Variants in CHM observed in about 807,000 individuals in gnomAD.
CHM encodes CHM Rab escort protein.
In CHM, 10 loss-of-function variants were observed where a neutral mutation model predicts 49.0. The ratio of observed to expected loss-of-function variants is 0.20; its 90% confidence interval spans 0.13 to 0.35. The LOEUF is 0.35. Among genes scored for constraint, CHM ranks in the 10% least tolerant of loss-of-function variants. The pLI is 1.00. For synonymous variants in CHM, 184 were observed against 167.5 expected, an observed-to-expected ratio of 1.10 and a Z score of -0.76; for missense variants, 455 against 478.4, an observed-to-expected ratio of 0.95 and a Z score of 0.46.
intron 1 of CHM, among the ~76,000 whole-genome samples, chrX:86,040,716 T>C (rs1934424788): frequency 8.9e-6 from 1 of 112,031 alleles, no homozygotes; most frequent in Admixed American, 9.5e-5. Flanking sequence ...ACCCTCAATA[T>C]GATAACATGC....
chrX:85,935,563 G>A (rs1021805237), intron 8 of CHM, among the ~76,000 whole-genome samples: 1 of 111,729 alleles, frequency 9.0e-6, no homozygotes, highest in African/African-American at 3.3e-5. Context: ...CCTGTGCAAT[G>A]TGTGACTGTA....
At chrX:86,016,473 C>T (rs1180410895) in intron 2 of CHM, among the ~76,000 whole-genome samples, 37 of 112,381 alleles carry the variant, frequency 3.3e-4, no homozygotes, top group Non-Finnish European at 2.1e-4. Context: ...GTGCCCTGAG[C>T]CCCAGCAGCT....
chrX:85,937,995 A>C (rs916503231), intron 8 of CHM, among the ~76,000 whole-genome samples: 1 of 112,213 alleles, frequency 8.9e-6, no homozygotes, highest in Non-Finnish European at 1.9e-5. Flanking sequence ...CTTAAATGTA[A>C]GTTTTAAAAG....
intron 8 of CHM, among the ~76,000 whole-genome samples, chrX:85,913,332 A>AAAAAAGAAAGAAAGAAAG (rs762266365): frequency 2.1e-4 from 5 of 23,419 alleles, no homozygotes; most frequent in Non-Finnish European, 4.1e-4. Flanking sequence ...AAAAAAAAAA[A>AAAAAAGAAAGAAAGAAAG]AAAGAAAGAA....
intron 2 of CHM, chrX:86,026,880 G>T (rs888764860): frequency 1.8e-5 from 2 of 112,261 alleles, no homozygotes; most frequent in African/African-American, 6.5e-5. Flanking sequence ...GCACTTAATA[G>T]GTGGGAGATT....
At chrX:85,956,922 T>A (rs1193292380) in intron 7 of CHM, among the ~76,000 whole-genome samples, 3 of 111,892 alleles carry the variant, frequency 2.7e-5, no homozygotes, top group African/African-American at 9.7e-5. Flanking sequence ...AAGTTACTCC[T>A]TTAAACCAAG....
rs1018719831 is a variant in CHM at position 85,949,758 on chromosome X, T to C, written c.1166+6395A>G. Among the ~76,000 whole-genome samples, 16 of 107,638 alleles carry C rather than the reference T, an allele frequency of 1.5e-4. No homozygotes were observed. The Admixed American group carries it at 1.5e-3, about 10-fold the overall frequency. 93.5% of individuals were successfully genotyped at this position (107,638 alleles called of 115,157 possible). Reference sequence around the variant, plus strand: ...AAAGTCATAAAATCACATATTTAGGTAATGTAAATTTGAGAATACCTACTT... The same window carrying C: ...AAAGTCATAAAATCACATATTTAGGCAATGTAAATTTGAGAATACCTACTT... On this transcript the variant is annotated intron_variant, in intron 8 of 14. Transcript: ENST00000357749.
At chrX:85,934,901 T>A (rs760036846) in intron 8 of CHM, among the ~76,000 whole-genome samples, 1 of 111,800 alleles carries the variant, frequency 8.9e-6, no homozygotes, top group East Asian at 2.8e-4. Context: ...GAGTAGGAGG[T>A]AAAAACATTA....
chrX:86,020,121 G>T (rs1933477286), intron 2 of CHM, among the ~76,000 whole-genome samples: 1 of 111,090 alleles, frequency 9.0e-6, no homozygotes, highest in Non-Finnish European at 1.9e-5. Flanking sequence ...TTACCTTCCA[G>T]TCCTACTAAA....
intron 5 of CHM, among the ~76,000 whole-genome samples, chrX:85,960,614 C>A (rs1370625914): frequency 9.1e-6 from 1 of 109,834 alleles, no homozygotes; most frequent in Non-Finnish European, 1.9e-5. Flanking sequence ...TAGTAGCACA[C>A]AGGGTTTCAC....
intron 13 of CHM, among the ~76,000 whole-genome samples, chrX:85,876,695 C>G (rs762044747): frequency 1.8e-5 from 2 of 111,584 alleles, no homozygotes; most frequent in Non-Finnish European, 3.8e-5. Context: ...TGAAAACTAG[C>G]TTTTCAGTGC....
At chrX:85,877,237 G>T (rs968179668) in intron 13 of CHM, among the ~76,000 whole-genome samples, 6 of 111,364 alleles carry the variant, frequency 5.4e-5, no homozygotes, top group Non-Finnish European at 1.1e-4. Flanking sequence ...AAATTAAAGT[G>T]AAGTTTTCAA....
At chrX:85,962,206 A>G (rs1489083611) in intron 5 of CHM, among the ~76,000 whole-genome samples, 2 of 112,463 alleles carry the variant, frequency 1.8e-5, no homozygotes, top group Middle Eastern at 4.6e-3. Flanking sequence ...TGTTTAACCT[A>G]TTTCATAGAG....
chrX:85,890,991 G>C (rs943420301), intron 12 of CHM, among the ~76,000 whole-genome samples: 1 of 111,385 alleles, frequency 9.0e-6, no homozygotes, highest in Non-Finnish European at 1.9e-5. Context: ...TTGGGAACTC[G>C]AGTAAAGGTG....
chrX:86,004,641 C>A (rs1446725484), intron 2 of CHM, among the ~76,000 whole-genome samples: 1 of 111,670 alleles, frequency 9.0e-6, no homozygotes, highest in Non-Finnish European at 1.9e-5. Context: ...GACTTTGAAC[C>A]AACAAAGATC....
At chrX:85,986,719 G>A (rs1052294834) in intron 2 of CHM, among the ~76,000 whole-genome samples, 3 of 111,991 alleles carry the variant, frequency 2.7e-5, no homozygotes, top group Non-Finnish European at 5.6e-5. Flanking sequence ...GCAGATATGG[G>A]AAAGAATCAA....
At chrX:85,969,344 A>G (rs974309117) in intron 4 of CHM, 1 of 740,439 alleles carries the variant, frequency 1.4e-6, no homozygotes, top group African/African-American at 2.3e-5. Flanking sequence ...TTACCTAAGA[A>G]TAACTTGAGT....
intron 12 of CHM, among the ~76,000 whole-genome samples, chrX:85,890,699 G>A (rs921011103): frequency 2.7e-5 from 3 of 111,624 alleles, no homozygotes; most frequent in Middle Eastern, 4.6e-3. Context: ...TTCCAGTTTC[G>A]GGTATGTCTT....
chrX:86,010,789 T>A (rs928838269), intron 2 of CHM, among the ~76,000 whole-genome samples: 2 of 111,761 alleles, frequency 1.8e-5, no homozygotes, highest in Non-Finnish European at 3.8e-5. Flanking sequence ...GTAATACAAA[T>A]CATCAACAGC....
Sources: allele counts gnomAD v4.1 joint callset (sites outside exome capture counted in the v4.1 genomes callset), GRCh38; gene constraint gnomAD v4.1.1; transcripts MANE v1.5; gene names NCBI Gene and HGNC (gene_info 2026-07-23, HGNC 2026-07-21).